FER1L6: variants seen among roughly 807,000 people sequenced by gnomAD.
FER1L6 encodes the protein fer-1-like protein 6.
In FER1L6, 177 loss-of-function variants were observed where a neutral mutation model predicts 219.2. The observed-to-expected ratio is 0.81, with a 90% CI of 0.71 to 0.91. FER1L6 has a LOEUF of 0.91. Ranked by LOEUF, FER1L6 falls within the 40% of genes least tolerant of loss-of-function variation. The pLI is 0.00. For missense variants in FER1L6, 2,153 were observed against 2,259.9 expected (o/e 0.95, Z 0.96); for synonymous variants, 768 against 824.3 (o/e 0.93, Z 1.17).
chr8:123,983,542 T>A (rs1816418648), intron 11 of FER1L6, among the ~76,000 whole-genome samples: 1 of 152,152 alleles, frequency 6.6e-6, no homozygotes, highest in South Asian at 2.1e-4. Context: ...GAGGTACAGA[T>A]AAAGTGCTGT....
At chr8:123,995,785 T>C (rs1458328974) in intron 12 of FER1L6, among the ~76,000 whole-genome samples, 2 of 152,166 alleles carry the variant, frequency 1.3e-5, no homozygotes, top group Non-Finnish European at 2.9e-5. Context: ...TTCTAGTTTT[T>C]TGATGTAGGT....
At position 124,103,308 on chromosome 8, in the gene FER1L6, C is replaced by T. The variant is rs2130992064; in HGVS notation, c.5288C>T (p.Thr1763Ile). The T allele has an allele frequency of 5.0e-6, 8 of 1,613,516 alleles. No homozygotes were observed. Among genetic ancestry groups the T allele is most frequent in the East Asian group, 4.5e-5 (2 of 44,876 alleles). The change falls in exon 39 of 41, where the codon ACA becomes ATA. Residue 1763 changes from threonine to isoleucine, a missense_variant and splice_region_variant. Thr to Ile is a moderately conservative substitution (Grantham distance 89). Coordinates refer to ENST00000522917, the MANE Select transcript of FER1L6 (RefSeq NM_001039112.2). ...CCTTTTTCTAAAAGCAAAGAACTCA[C>T]AGTAAGTGACAGCTATGGGAGGTGG... The part of the protein sequence containing the change: ...WWPFSKSKEL[T>I]GKVEAEFHLV...
rs974826967 is a variant in FER1L6, at chr8:124,042,772, C to A, written c.2589+2766C>A. 3.3e-5 allele frequency among the ~76,000 whole-genome samples: 5 copies of A among 152,168 alleles called. No individual in the cohort carries two copies. The East Asian group carries it at 7.7e-4, about 23-fold the overall frequency. ...CACGCGGGGCTCAGGGAGAAAAAGC[C>A]TCCGAAGGCTGTTCCTGAAAAACCA... On this transcript the variant is annotated intron_variant, in intron 20 of 40. Coordinates refer to ENST00000522917, the MANE Select transcript of FER1L6 (RefSeq NM_001039112.2).
chr8:124,082,198 G>A, intron 32 of FER1L6, 90 bp from the exon 33 acceptor site: 1 of 1,002,578 alleles, frequency 1.0e-6, no homozygotes, highest in Non-Finnish European at 1.5e-6. Context: ...GAGTTCACAT[G>A]AATAGCGGGC....
chr8:124,009,184 C>T (rs1817799955), intron 13 of FER1L6, among the ~76,000 whole-genome samples: 1 of 152,186 alleles, frequency 6.6e-6, no homozygotes, highest in Admixed American at 6.5e-5. Flanking sequence ...TACTTTTCTT[C>T]CTGTTTTCCC....
intron 1 of FER1L6, among the ~76,000 whole-genome samples, chr8:123,895,629 T>C (rs942574244): frequency 2.6e-5 from 4 of 152,034 alleles, no homozygotes; most frequent in Admixed American, 2.6e-4. Context: ...AAAACAAAGC[T>C]GAATATATTG....
intron 12 of FER1L6, among the ~76,000 whole-genome samples, chr8:123,987,927 A>G (rs1816672706): frequency 6.6e-6 from 1 of 152,098 alleles, no homozygotes; most frequent in Non-Finnish European, 1.5e-5. Flanking sequence ...GTGAAATCCC[A>G]TCTCTAGTAA....
intron 1 of FER1L6, among the ~76,000 whole-genome samples, chr8:123,873,207 C>A (rs1403167006): frequency 2.0e-5 from 3 of 152,162 alleles, no homozygotes; most frequent in Non-Finnish European, 4.4e-5. Context: ...TCAGTCACCT[C>A]AGGCAGACTA....
At chr8:124,022,253 G>A (rs2130635188) in intron 17 of FER1L6, among the ~76,000 whole-genome samples, 1 of 152,346 alleles carries the variant, frequency 6.6e-6, no homozygotes, top group South Asian at 2.1e-4. Flanking sequence ...ATTACTCGGT[G>A]AGACAGGCAG....
rs1055621762 is a variant in FER1L6, at chr8:124,021,736, T to G, written c.2133+67T>G. 8.9e-6 allele frequency: 14 copies of G among 1,580,180 alleles called. No individual in the cohort carries two copies. The African/African-American group carries it at 1.9e-4, about 21-fold the overall frequency. On this transcript the variant is annotated intron_variant, in intron 17 of 40. Coordinates refer to ENST00000522917, the MANE Select transcript of FER1L6 (RefSeq NM_001039112.2). ...GGAATGTCTTCCAGGGAGGTTTGAA[T>G]GGTTGGTACGGGTGAAATATGAATC...
Position 124,030,442 on chromosome 8 carries a change from C to T in FER1L6, c.2287-4835C>T, listed in dbSNP as rs1047651997. Among the ~76,000 whole-genome samples, 7 of 152,246 alleles carry T rather than the reference C, an allele frequency of 4.6e-5. No homozygotes were observed. The East Asian group carries it at 9.7e-4, about 21-fold the overall frequency. ...GCCCAACTCACCACTCAAAAGTTTA[C>T]GATCCTCTCCTTTTAGTCTTATCCC... On this transcript the variant is annotated intron_variant, in intron 18 of 40. Coordinates refer to ENST00000522917, the MANE Select transcript of FER1L6 (RefSeq NM_001039112.2).
chr8:124,093,087 G>C (rs1475399688), intron 34 of FER1L6, among the ~76,000 whole-genome samples: 1 of 152,070 alleles, frequency 6.6e-6, no homozygotes, highest in Admixed American at 6.5e-5. Flanking sequence ...GCCTTCCAAA[G>C]TGCTGGGATT....
intron 38 of FER1L6, 35 bp from the exon 39 acceptor site, chr8:124,103,111 A>C (rs200222357): frequency 1.3e-6 from 2 of 1,592,852 alleles, no homozygotes; most frequent in East Asian, 4.5e-5. Flanking sequence ...CTTTTAGAAA[A>C]TGCTTCCCTA....
At chr8:123,909,762 TCAACTAGGGGATGATGTAGCTGTCCTTG>T (rs1813018826) in intron 1 of FER1L6, among the ~76,000 whole-genome samples, 2 of 7,884 alleles carry the variant, frequency 2.5e-4, no homozygotes, top group African/African-American at 1.7e-3. Context: ...GCTGTCCTTG[TCAACTAGGGGATGATGTAGCTGTCCTTG>T]TCAACTAGGG....
At chr8:124,027,833 A>G (rs1818778311) in intron 18 of FER1L6, among the ~76,000 whole-genome samples, 1 of 152,192 alleles carries the variant, frequency 6.6e-6, no homozygotes, top group South Asian at 2.1e-4. Flanking sequence ...AAGCACTGAG[A>G]TTACAGACGA....
At chr8:123,958,582 A>C (rs1362248076) in intron 2 of FER1L6, among the ~76,000 whole-genome samples, 1 of 152,100 alleles carries the variant, frequency 6.6e-6, no homozygotes, top group African/African-American at 2.4e-5. Flanking sequence ...TGGTATTCCT[A>C]CATAAACATC....
rs567270852 is a variant in FER1L6 at position 124,065,144 on chromosome 8, A to G, written c.3555+571A>G. On this transcript the variant is annotated intron_variant, in intron 26 of 40. Coordinates refer to ENST00000522917, the MANE Select transcript of FER1L6 (RefSeq NM_001039112.2). ...CATGGTGGCTCACACCTGTAATCCT[A>G]GCACTTTGGGAGGCCGAGGTGAGTA... Among the ~76,000 whole-genome samples the G allele has an allele frequency of 1.4e-3, 217 of 152,242 alleles. 1 individual carries two copies. Among genetic ancestry groups the G allele is most frequent in the African/African-American group, 4.9e-3 (204 of 41,550 alleles).
At chr8:123,971,501 C>A (rs911608829) in intron 6 of FER1L6, among the ~76,000 whole-genome samples, 1 of 152,160 alleles carries the variant, frequency 6.6e-6, no homozygotes, top group Admixed American at 6.5e-5. Context: ...GTGCCATAGA[C>A]CAGGGTCAGG....
intron 18 of FER1L6, among the ~76,000 whole-genome samples, chr8:124,029,939 G>C (rs898615353): frequency 2.0e-5 from 3 of 152,168 alleles, no homozygotes; most frequent in African/African-American, 7.2e-5. Flanking sequence ...GTTAATTTTT[G>C]TATAAGGTTT....
Sources: gnomAD v4.1 joint callset for allele counts (sites outside exome capture counted in the v4.1 genomes callset) on GRCh38, gnomAD v4.1.1 for gene constraint, MANE v1.5 for transcripts, NCBI Gene and HGNC (gene_info 2026-07-23, HGNC 2026-07-21) for gene names.